PDE10A: variants seen among roughly 807,000 people sequenced by gnomAD.
PDE10A encodes the protein cAMP and cAMP-inhibited cGMP 3',5'-cyclic phosphodiesterase 10A.
PDE10A carries 39 observed loss-of-function variants against 97.7 expected under a neutral mutation model. That is an observed-to-expected ratio of 0.40 (90% CI 0.31 to 0.52). The LOEUF is 0.52. PDE10A is among the 20% of genes least tolerant of loss of function. The pLI is 0.56. For missense variants in PDE10A, 731 were observed against 1,047.8 expected (o/e 0.70, Z 4.17); for synonymous variants, 371 against 376.8 (o/e 0.98, Z 0.18).
chr6:165,582,775 T>C (rs898102140), intron 1 of PDE10A, among the ~76,000 whole-genome samples: 27 of 152,170 alleles, frequency 1.8e-4, no homozygotes, highest in African/African-American at 6.3e-4. Flanking sequence ...AACTTTTATC[T>C]CTTGAAGTTC....
chr6:165,535,934 A>G (rs1783057600), intron 2 of PDE10A, among the ~76,000 whole-genome samples: 1 of 152,024 alleles, frequency 6.6e-6, no homozygotes, highest in Admixed American at 6.6e-5. Context: ...CTCTCTCAAA[A>G]TAACATTGTT....
chr6:165,650,893 G>A (rs887159682), intron 1 of PDE10A, among the ~76,000 whole-genome samples: 4 of 151,946 alleles, frequency 2.6e-5, no homozygotes, highest in Non-Finnish European at 4.4e-5. Context: ...GTGTGCCACC[G>A]CACCCAGCTA....
intron 18 of PDE10A, among the ~76,000 whole-genome samples, chr6:165,359,301 C>T (rs1053769803): frequency 1.2e-4 from 19 of 152,138 alleles, no homozygotes; most frequent in African/African-American, 4.6e-4. Context: ...ACAACATATT[C>T]TTCCAGCTTT....
chr6:165,359,370 A>G (rs1562380676), intron 18 of PDE10A, among the ~76,000 whole-genome samples: 1 of 152,222 alleles, frequency 6.6e-6, no homozygotes, highest in East Asian at 1.9e-4. Context: ...TTTCTAATGG[A>G]CATAGGATTT....
chr6:165,728,315 C>T (rs1192973541), intron 1 of PDE10A, among the ~76,000 whole-genome samples: 2 of 152,184 alleles, frequency 1.3e-5, no homozygotes, highest in Non-Finnish European at 2.9e-5. Flanking sequence ...TGCAAATCAT[C>T]ATCATGCTGG....
intron 20 of PDE10A, among the ~76,000 whole-genome samples, chr6:165,337,008 G>A (rs556176250): frequency 7.2e-5 from 11 of 152,072 alleles, no homozygotes; most frequent in Admixed American, 3.9e-4. Flanking sequence ...GGTGCCTTGT[G>A]TGGTGTCCCA....
intron 1 of PDE10A, among the ~76,000 whole-genome samples, chr6:165,730,042 T>A (rs1464588061): frequency 6.6e-6 from 1 of 152,128 alleles, no homozygotes; most frequent in African/African-American, 2.4e-5. Context: ...CTTGGAGATA[T>A]ATACGTATAT....
chr6:165,745,342 G>A (rs947136895), intron 1 of PDE10A, among the ~76,000 whole-genome samples: 22 of 152,086 alleles, frequency 1.4e-4, no homozygotes, highest in Non-Finnish European at 2.6e-4. Context: ...CTAACCTTTA[G>A]TTGTATTTTA....
chr6:165,936,727 T>G (rs1783343164), intron 1 of PDE10A, among the ~76,000 whole-genome samples: 3 of 152,188 alleles, frequency 2.0e-5, no homozygotes, highest in Non-Finnish European at 4.4e-5. Context: ...GAGCAAGATT[T>G]GACCATGTTG....
chr6:165,429,059 C>G (rs770594720), intron 9 of PDE10A, among the ~76,000 whole-genome samples: 4 of 151,998 alleles, frequency 2.6e-5, no homozygotes, highest in Non-Finnish European at 5.9e-5. Context: ...ATTAATAACT[C>G]TGATCTAAAA....
At chr6:165,784,316 T>G (rs1778432522) in intron 1 of PDE10A, among the ~76,000 whole-genome samples, 1 of 152,072 alleles carries the variant, frequency 6.6e-6, no homozygotes, top group Admixed American at 6.6e-5. Flanking sequence ...CATCCTAACC[T>G]CAACCATCGC....
At chr6:165,517,865 T>C (rs1245305840) in intron 2 of PDE10A, among the ~76,000 whole-genome samples, 1 of 152,202 alleles carries the variant, frequency 6.6e-6, no homozygotes, top group Non-Finnish European at 1.5e-5. Flanking sequence ...ATTTTTAATA[T>C]ATTCAGGTTG....
intron 1 of PDE10A, among the ~76,000 whole-genome samples, chr6:165,727,628 T>A (rs975126096): frequency 6.6e-6 from 1 of 152,170 alleles, no homozygotes; most frequent in Non-Finnish European, 1.5e-5. Context: ...GAATTCAAGA[T>A]GCCTATGGAA....
In PDE10A at chr6:165,392,655, T is replaced by C; in HGVS notation, c.2445A>G (p.Thr815=). The C allele has an allele frequency of 1.2e-6, 2 of 1,613,776 alleles. No individual in the cohort carries two copies. Among genetic ancestry groups the C allele is most frequent in the Non-Finnish European group, 1.7e-6 (2 of 1,179,694 alleles). Residue 815 remains threonine, a synonymous_variant, in exon 16 of 22, where the codon ACA becomes ACG. Transcript: ENST00000539869. The part of the protein sequence containing the change: ...AILQNNHTLF[T]DLERKGLLIA... The stretch of plus-strand genomic sequence containing the variant: ...AAGAGTGCACACCCACCTCAAGGTC[T>C]GTGAAAAGCGTGTGATTGTTCTGAA...
intron 1 of PDE10A, among the ~76,000 whole-genome samples, chr6:165,654,661 T>C (rs2128427189): frequency 6.6e-6 from 1 of 152,074 alleles, no homozygotes; most frequent in East Asian, 1.9e-4. Flanking sequence ...CAATTCTCCA[T>C]GCAGAAAAAG....
At chr6:165,488,807 G>A (rs549904627) in intron 2 of PDE10A, among the ~76,000 whole-genome samples, 3 of 152,210 alleles carry the variant, frequency 2.0e-5, no homozygotes, top group South Asian at 4.2e-4. Flanking sequence ...TGTGGCTGCC[G>A]GCTTTACCCC....
At chr6:165,408,180 C>G (rs220769) in intron 13 of PDE10A, among the ~76,000 whole-genome samples, 104,781 of 151,900 alleles carry the variant, frequency 0.69, 36,766 homozygotes, top group Middle Eastern at 0.84. Context: ...ACTCTGAATT[C>G]CCCAAGATCA....
At chr6:165,714,485 G>A (rs921373191) in intron 1 of PDE10A, among the ~76,000 whole-genome samples, 2 of 152,044 alleles carry the variant, frequency 1.3e-5, no homozygotes, top group Admixed American at 1.3e-4. Flanking sequence ...GACAGAGATC[G>A]ACACTCAGCT....
At chr6:165,373,062 T>G (rs1784374949) in intron 18 of PDE10A, among the ~76,000 whole-genome samples, 1 of 149,448 alleles carries the variant, frequency 6.7e-6, no homozygotes, top group Admixed American at 6.7e-5. Context: ...TCCTTACACC[T>G]TATATAAAAA....
Sources: gnomAD v4.1 joint callset for allele counts (sites outside exome capture counted in the v4.1 genomes callset) on GRCh38, gnomAD v4.1.1 for gene constraint, MANE v1.5 for transcripts, NCBI Gene and HGNC (gene_info 2026-07-23, HGNC 2026-07-21) for gene names.